ENAM: variants seen among roughly 807,000 people sequenced by gnomAD.
ENAM encodes the protein amelogenesis imperfecta 2, hypocalcification (autosomal dominant).
A neutral mutation model predicts 33.6 loss-of-function variants in ENAM; 21 were observed. The ratio of observed to expected loss-of-function variants is 0.63; its 90% CI spans 0.44 to 0.90. The LOEUF is 0.90. Among genes scored for constraint, ENAM ranks in the 40% least tolerant of loss-of-function variants. The pLI is 0.00. For missense variants in ENAM, 1,388 were observed against 1,366.9 expected (o/e 1.02, Z -0.24); for synonymous variants, 473 against 468.4 (o/e 1.01, Z -0.13).
At chr4:70,639,280 TCAC>T (rs148060511) in intron 8 of ENAM, among the ~76,000 whole-genome samples, 12,187 of 152,182 alleles carry the variant, frequency 0.08, 796 homozygotes, top group African/African-American at 0.18. Context: ...CAGGCAGTTA[TCAC>T]AGGCTTTAAG....
chr4:70,643,169 G>A lies in ENAM; in HGVS notation c.1743G>A (p.Gly581=). The A allele has an allele frequency of 6.2e-7, 1 of 1,613,770 alleles. No homozygotes were observed. The part of the protein sequence containing the change: ...EISPPFKEDP[G]RQEEHLPHPS... ...CTCCACCTTTTAAGGAAGATCCAGGGAGGCAAGAAGAACATTTACCCCATC... is the reference window on the plus strand; with the variant it reads ...CTCCACCTTTTAAGGAAGATCCAGGAAGGCAAGAAGAACATTTACCCCATC... The change falls in exon 9 of 9, where the codon GGG becomes GGA. Residue 581 remains glycine (G), a synonymous_variant. Coordinates refer to ENST00000396073, the MANE Select transcript of ENAM (RefSeq NM_031889.3).
chr4:70,631,030 C>T (rs995660834), intron 2 of ENAM, among the ~76,000 whole-genome samples: 12 of 152,070 alleles, frequency 7.9e-5, no homozygotes, highest in African/African-American at 9.7e-5. Flanking sequence ...CGTGAGCCAC[C>T]GCGCCTGGCC....
At chr4:70,630,525 G>T (rs1228145992) in intron 2 of ENAM, among the ~76,000 whole-genome samples, 1 of 152,092 alleles carries the variant, frequency 6.6e-6, no homozygotes, top group Non-Finnish European at 1.5e-5. Flanking sequence ...AAATGTTTCA[G>T]AATAAACCTT....
At chr4:70,632,923 T>C (rs539188850) in intron 5 of ENAM, among the ~76,000 whole-genome samples, 1 of 152,222 alleles carries the variant, frequency 6.6e-6, no homozygotes, top group African/African-American at 2.4e-5. Flanking sequence ...TAATGAGAAA[T>C]GTTATTTATT....
chr4:70,629,351 A>G, intron 1 of ENAM, 90 bp from the exon 2 acceptor site: 1 of 724,608 alleles, frequency 1.4e-6, no homozygotes, highest in Non-Finnish European at 2.5e-6. Flanking sequence ...TACAGGTATG[A>G]CTGGATAAAA....
chr4:70,637,668 T>A, intron 7 of ENAM, 122 bp from the exon 8 acceptor site: 1 of 793,754 alleles, frequency 1.3e-6, no homozygotes, highest in Non-Finnish European at 2.3e-6. Context: ...CGCTAAAAGC[T>A]CAGAGTACTA....
intron 2 of ENAM, among the ~76,000 whole-genome samples, chr4:70,630,256 A>C (rs774101893): frequency 2.0e-5 from 3 of 152,200 alleles, no homozygotes; most frequent in Non-Finnish European, 2.9e-5. Context: ...TAAAAATGCT[A>C]AAGCGTCATT....
Position 70,644,685 on chromosome 4 carries a change from A to G in ENAM, c.3259A>G (p.Ile1087Val). The change falls in exon 9 of 9, where the codon ATT becomes GTT. Residue 1087 changes from isoleucine (I) to valine (V), a missense_variant. By Grantham distance (29) the Ile-to-Val change is conservative. Transcript: ENST00000396073. ...GCAAAGCCCATTTGATGGGGATTCA[A>G]TTACGCCTACTGAAAATCCTAACAC... ...GRQSPFDGDSITPTENPNTLV... is the reference protein window; with the variant it reads ...GRQSPFDGDSVTPTENPNTLV... The G allele has an allele frequency of 1.2e-6, 2 of 1,614,218 alleles. No individual in the cohort carries two copies. Among genetic ancestry groups the G allele is most frequent in the South Asian group, 1.1e-5 (1 of 91,076 alleles).
chr4:70,628,939 A>G lies in ENAM; in HGVS notation c.-86A>G, dbSNP rs1409591272. The G allele has an allele frequency of 6.5e-6, 1 of 152,866 alleles. No individual in the cohort carries two copies. Among genetic ancestry groups the G allele is most frequent in the Non-Finnish European group, 1.5e-5 (1 of 68,504 alleles). 9.5% of individuals were successfully genotyped at this position (152,866 alleles called of 1,614,324 possible). A position where few individuals can be genotyped will look rare whatever the true frequency, so the allele number is the denominator to read the frequency against. On this transcript the variant is annotated 5_prime_UTR_variant, in exon 1 of 9. In the 5' UTR this introduces an upstream ATG that the reference lacks. Transcript: ENST00000396073. The stretch of plus-strand genomic sequence containing the variant: ...AGTTCAAGTAAAAATTATTTTTTAT[A>G]TATTACAGCTTCTAATTGGCATTGG...
rs139616523 is a variant in ENAM at position 70,642,730 on chromosome 4, A to C, written c.1304A>C (p.Asn435Thr). The C allele has an allele frequency of 3.4e-5, 55 of 1,606,144 alleles. No individual in the cohort carries two copies. The highest frequency in any genetic ancestry group is 4.2e-5 in the Non-Finnish European group (50 of 1,177,434). The part of the protein sequence containing the change: ...GPVVRNEKIQ[N>T]PKEKPLGPKE... ...GTTGTTCGCAATGAAAAAATCCAAA[A>C]TCCAAAGGAGAAGCCCCTGGGTCCA... The change falls in exon 9 of 9, where the codon AAT (asparagine) becomes ACT (threonine). Residue 435 changes from asparagine (N) to threonine (T), a missense_variant. Coordinates refer to ENST00000396073, the MANE Select transcript of ENAM (RefSeq NM_031889.3).
At position 70,642,703 on chromosome 4, in the gene ENAM, CTGT is replaced by C. The variant is rs753860381; in HGVS notation, c.1282_1284del (p.Val428del). 1.6e-5 allele frequency: 26 copies of C among 1,605,980 alleles called. No homozygotes were observed. Among genetic ancestry groups the C allele is most frequent in the Non-Finnish European group, 2.2e-5 (26 of 1,177,158 alleles). ...GCCCCACTGGGTCCCAAACCTGGCCCTGTTGTTCGCAATGAAAAAATCCAAAAT... is the reference window on the plus strand; with the variant it reads ...GCCCCACTGGGTCCCAAACCTGGCCCTGTTCGCAATGAAAAAATCCAAAAT... On this transcript the variant is annotated inframe_deletion, in exon 9 of 9. Transcript: ENST00000396073.
chr4:70,642,564 C>T lies in ENAM; in HGVS notation c.1138C>T (p.His380Tyr). 3 of 1,614,010 alleles carry T rather than the reference C, an allele frequency of 1.9e-6. No homozygotes were observed. The highest frequency in any genetic ancestry group is 2.5e-6 in the Non-Finnish European group (3 of 1,179,980). ...QVARPGNPVYHKAYPPTSRGN... is the reference protein window; with the variant it reads ...QVARPGNPVYYKAYPPTSRGN... ...AGCTCGTCCAGGAAATCCAGTTTAT[C>T]ACAAAGCTTACCCTCCTACTTCAAG... Residue 380 changes from histidine (H) to tyrosine (Y), a missense_variant, in exon 9 of 9, where the codon CAC becomes TAC. Coordinates refer to ENST00000396073, the MANE Select transcript of ENAM (RefSeq NM_031889.3).
At chr4:70,637,767 T>TCA in intron 7 of ENAM, 23 bp from the exon 8 acceptor site, 1 of 1,608,058 alleles carries the variant, frequency 6.2e-7, no homozygotes, top group Non-Finnish European at 8.5e-7. Flanking sequence ...TCTCCTGTGT[T>TCA]CACTGTGTTT....
chr4:70,633,600 G>A (rs1738377102), intron 5 of ENAM, among the ~76,000 whole-genome samples: 1 of 151,998 alleles, frequency 6.6e-6, no homozygotes, highest in African/African-American at 2.4e-5. Context: ...GTTAAACCAG[G>A]GAGGAAATAT....
At chr4:70,636,333 A>G (rs1269704111) in intron 7 of ENAM, among the ~76,000 whole-genome samples, 2 of 152,152 alleles carry the variant, frequency 1.3e-5, no homozygotes, top group African/African-American at 2.4e-5. Flanking sequence ...CCACAGATAT[A>G]TCATTATAAA....
intron 7 of ENAM, among the ~76,000 whole-genome samples, chr4:70,636,673 G>T (rs1738458833): frequency 6.6e-6 from 1 of 152,026 alleles, no homozygotes. Context: ...GGAAGCTGAG[G>T]CAGGAGACTC....
At chr4:70,633,456 A>C (rs900240765) in intron 5 of ENAM, among the ~76,000 whole-genome samples, 6 of 152,140 alleles carry the variant, frequency 3.9e-5, no homozygotes, top group Non-Finnish European at 7.4e-5. Context: ...AATTTTTACC[A>C]ACTTAGTTGT....
Position 70,642,936 on chromosome 4 carries a change from G to A in ENAM, c.1510G>A (p.Val504Ile), listed in dbSNP as rs764252954. The A allele has an allele frequency of 4.3e-6, 7 of 1,613,972 alleles. No homozygotes were observed. The South Asian group carries it at 7.7e-5, about 18-fold the overall frequency. ...TTACCCAAGAGGAGATTCCAGAAAA[G>A]TCCCAAATTCTGATGGACAAACCCA... ...SYYPRGDSRK[V>I]PNSDGQTQSQ... is the part of the protein sequence containing the mutation. The change falls in exon 9 of 9, where the codon GTC becomes ATC. Residue 504 changes from valine (V) to isoleucine (I), a missense_variant. By Grantham distance (29) the Val-to-Ile change is conservative. Coordinates refer to ENST00000396073, the MANE Select transcript of ENAM (RefSeq NM_031889.3).
At chr4:70,639,960 T>G (rs1432837423) in intron 8 of ENAM, among the ~76,000 whole-genome samples, 1 of 152,222 alleles carries the variant, frequency 6.6e-6, no homozygotes, top group Non-Finnish European at 1.5e-5. Context: ...GGGAGATATT[T>G]CCTTGCCTGT....
Sources: allele counts gnomAD v4.1 joint callset (sites outside exome capture counted in the v4.1 genomes callset), GRCh38; gene constraint gnomAD v4.1.1; transcripts MANE v1.5; gene names NCBI Gene and HGNC (gene_info 2026-07-23, HGNC 2026-07-21).